MYH6: variants seen among roughly 807,000 people sequenced by gnomAD.
MYH6 encodes the protein myosin-6.
In MYH6, 126 loss-of-function variants were observed where a neutral mutation model predicts 223.2. The observed-to-expected ratio is 0.56, with a 90% CI of 0.49 to 0.65. The LOEUF (loss-of-function observed/expected upper bound fraction) is 0.65. MYH6 is among the 30% of genes least tolerant of loss of function. The probability of loss-of-function intolerance (pLI) is 0.00; values close to 1 mark genes in which losing one functional copy is unlikely to be tolerated. For missense variants in MYH6, 2,040 were observed against 2,536.4 expected (o/e 0.80, Z 4.20); for synonymous variants, 978 against 1,010.2 (o/e 0.97, Z 0.61).
Position 23,388,417 on chromosome 14 carries a change from C to A in MYH6, c.4176-79G>T, listed in dbSNP as rs527764303. 420 of 1,563,040 alleles carry A rather than the reference C, an allele frequency of 2.7e-4. No individual in the cohort carries two copies. The African/African-American group carries it at 4.1e-3, about 15-fold the overall frequency. On this transcript the variant is annotated intron_variant, in intron 29 of 38. Coordinates refer to ENST00000405093, the MANE Select transcript of MYH6 (RefSeq NM_002471.4). The stretch of plus-strand genomic sequence containing the variant: ...GCCTTGGGTGGACCTCCTTCCACCC[C>A]CTCCCTATATCTCCTTGAGACACCG...
intron 34 of MYH6, 50 bp from the exon 35 acceptor site, chr14:23,385,091 C>T (rs761134745): frequency 1.2e-6 from 2 of 1,611,444 alleles, no homozygotes; most frequent in Admixed American, 1.7e-5. Flanking sequence ...ACTTTGTTAC[C>T]TGATTTCATA....
chr14:23,406,160 G>C (rs1891780232), intron 3 of MYH6, among the ~76,000 whole-genome samples: 1 of 152,040 alleles, frequency 6.6e-6, no homozygotes, highest in African/African-American at 2.4e-5. Context: ...AGCGCTTTAG[G>C]GTATCTGTTG....
rs2138585541 is a variant in MYH6 at position 23,386,621 on chromosome 14, G to A, written c.4653C>T (p.Ala1551=). Residue 1551 remains alanine, a splice_region_variant and synonymous_variant, in exon 33 of 39, where the codon GCC becomes GCT. Coordinates refer to ENST00000405093, the MANE Select transcript of MYH6 (RefSeq NM_002471.4). Reference sequence around the variant, plus strand: ...TCTTGCCCTCCTCGTGCTCCAGGGAGGCCTGGGAAGGGGTGGGGCGAGGGC... The same window carrying A: ...TCTTGCCCTCCTCGTGCTCCAGGGAAGCCTGGGAAGGGGTGGGGCGAGGGC... ...ELQSALEEAE[A]SLEHEEGKIL... 2 of 1,609,152 alleles carry A rather than the reference G, an allele frequency of 1.2e-6. No homozygotes were observed. The highest frequency in any genetic ancestry group is 1.1e-5 in the South Asian group (1 of 90,492).
Position 23,400,758 on chromosome 14 carries a change from C to T in MYH6, c.1361G>A (p.Arg454His). 3.1e-6 allele frequency: 5 copies of T among 1,614,254 alleles called. No individual in the cohort carries two copies. Among genetic ancestry groups the T allele is most frequent in the Admixed American group, 3.3e-5 (2 of 60,030 alleles). The change falls in exon 13 of 39, where the codon CGC (arginine) becomes CAC (histidine). Residue 454 changes from arginine (R) to histidine (H), a missense_variant. By Grantham distance (29) the Arg-to-His change is conservative (BLOSUM62 0). Transcript: ENST00000405093. ...GTCCAGGACTCCTATGAAGTACTGG[C>T]GTGGCTGCTTGGTCTCCAGGGTGGC... is the stretch of plus-strand genomic sequence containing the variant. ...INATLETKQP[R>H]QYFIGVLDIA...
In MYH6 at chr14:23,401,085, C is replaced by T. The variant is rs1891586759; in HGVS notation, c.1142-108G>A. The T allele has an allele frequency of 2.4e-5, 36 of 1,507,292 alleles. 1 individual carries two copies. The highest frequency in any genetic ancestry group is 1.6e-4 in the South Asian group (13 of 82,718). 93.4% of individuals were successfully genotyped at this position (1,507,292 alleles called of 1,614,324 possible). Reference sequence around the variant, plus strand: ...GCAGTGGCACGATCTTGGCTCACTACAGCCTCCACCTCCTGGGTTCAAGTG... The same window carrying T: ...GCAGTGGCACGATCTTGGCTCACTATAGCCTCCACCTCCTGGGTTCAAGTG... On this transcript the variant is annotated intron_variant, in intron 12 of 38. Transcript: ENST00000405093.
At chr14:23,404,967 C>T in intron 6 of MYH6, 133 bp downstream of exon 6, 24 of 1,506,452 alleles carry the variant, frequency 1.6e-5, no homozygotes, top group Non-Finnish European at 2.1e-5. Context: ...GCTCTGGCAC[C>T]CCTCTAATGA....
rs73604575 is a variant in MYH6 at position 23,388,771 on chromosome 14, G to A, written c.4175+88C>T. ...AGTTCCTCCTGTCTCTTCCACTTCC[G>A]TCTCATGACCACTTTGCCTGTCCCC... On this transcript the variant is annotated intron_variant, in intron 29 of 38. Coordinates refer to ENST00000405093, the MANE Select transcript of MYH6 (RefSeq NM_002471.4). 2.8e-3 allele frequency: 4,452 copies of A among 1,583,834 alleles called. 129 individuals are homozygous for A. The African/African-American group carries it at 0.054, about 19-fold the overall frequency.
At chr14:23,406,458 C>T (rs1167266393) in intron 3 of MYH6, among the ~76,000 whole-genome samples, 2 of 152,178 alleles carry the variant, frequency 1.3e-5, no homozygotes, top group African/African-American at 2.4e-5. Flanking sequence ...TGGGTTGTAA[C>T]ATTCAGTCAA....
chr14:23,394,390 T>G, intron 20 of MYH6, 67 bp from the exon 21 acceptor site: 3 of 1,600,828 alleles, frequency 1.9e-6, no homozygotes, highest in Non-Finnish European at 2.6e-6. Context: ...TGGGCCCTAC[T>G]AAGCAAGTTC....
Position 23,385,022 on chromosome 14 carries a change from T to C in MYH6, c.5183A>G (p.Gln1728Arg), listed in dbSNP as rs772321054. 6.2e-7 allele frequency: 1 copy of C among 1,614,220 alleles called. No homozygotes were observed. Among genetic ancestry groups the C allele is most frequent in the Non-Finnish European group, 8.5e-7 (1 of 1,180,042 alleles). ...LHSQNTSLIN[Q>R]KKKMESDLTQ... ...CAGATCCGACTCCATCTTCTTCTTC[T>C]GGTTGATGAGGCTGGTGTTCTAGAC... The change falls in exon 35 of 39, where the codon CAG becomes CGG. Residue 1728 changes from glutamine to arginine, a missense_variant. Physicochemically the swap from Gln to Arg is conservative, Grantham distance 43. Coordinates refer to ENST00000405093, the MANE Select transcript of MYH6 (RefSeq NM_002471.4).
rs77135504 is a variant in MYH6, at chr14:23,405,817, G to T, written c.202-47C>A. The T allele has an allele frequency of 1.2e-6, 2 of 1,613,380 alleles. No individual in the cohort carries two copies. The highest frequency in any genetic ancestry group is 1.7e-6 in the Non-Finnish European group (2 of 1,179,520). ...GAGGATGAGTGACCACAATCCCTCC[G>T]GGACCCTTGCCAGCACTGCCCACTG... On this transcript the variant is annotated intron_variant, in intron 3 of 38. Transcript: ENST00000405093. This position sits in a 1 kb window ranked among gnomAD's most constrained non-coding sequence, Gnocchi z 4.7.
At chr14:23,408,163 AC>A (rs1263857046) in intron 1 of MYH6, 89 bp downstream of exon 1, 3 of 906,862 alleles carry the variant, frequency 3.3e-6, no homozygotes, top group Non-Finnish European at 4.0e-6. Flanking sequence ...CCTCCAACTG[AC>A]CTGCACCCCA....
rs370917581 is a variant in MYH6, at chr14:23,402,468, G to C, written c.1137C>G (p.Thr379=). Reference sequence around the variant, plus strand: ...CTGCCTGCCTGCCCCTCCCACCTTCGGTGCCGTCTGGCTCCGCCTGCTCCT... The same window carrying C: ...CTGCCTGCCTGCCCCTCCCACCTTCCGTGCCGTCTGGCTCCGCCTGCTCCT... ...QREEQAEPDG[T]EDADKSAYLM... The change falls in exon 12 of 39, where the codon ACC becomes ACG. Residue 379 remains threonine, a synonymous_variant. Transcript: ENST00000405093. The C allele has an allele frequency of 6.2e-6, 10 of 1,612,896 alleles. No individual in the cohort carries two copies. Among genetic ancestry groups the C allele is most frequent in the Non-Finnish European group, 8.5e-6 (10 of 1,179,936 alleles).
At position 23,393,767 on chromosome 14, in the gene MYH6, G is replaced by T. The variant is rs368912844; in HGVS notation, c.2827C>A (p.Arg943Ser). The T allele has an allele frequency of 8.1e-6, 13 of 1,614,044 alleles. No individual in the cohort carries two copies. The highest frequency in any genetic ancestry group is 1.1e-5 in the Non-Finnish European group (13 of 1,180,038). Residue 943 changes from arginine (R) to serine (S), a missense_variant, in exon 22 of 39, where the codon CGC becomes AGC. Transcript: ENST00000405093. ...EMNAELTAKK[R>S]KLEDECSELK... The stretch of plus-strand genomic sequence containing the variant: ...TCTGAGCACTCGTCTTCCAGCTTGC[G>T]CTTCTTGGCAGTGAGCTCCGCGTTC...
In MYH6 at chr14:23,405,063, G is replaced by C. The variant is rs1891739152; in HGVS notation, c.530+37C>G. ...CTAGGCATCAGCGTGTATGCCCCCA[G>C]CCCAGTCCCTTCTGTGGGAGGATGG... On this transcript the variant is annotated intron_variant, in intron 6 of 38. Transcript: ENST00000405093. The surrounding 1 kb of genome is among the most constrained non-coding windows in gnomAD (Gnocchi z 4.7). 3 of 1,613,974 alleles carry C rather than the reference G, an allele frequency of 1.9e-6. No homozygotes were observed. Among genetic ancestry groups the C allele is most frequent in the Non-Finnish European group, 2.5e-6 (3 of 1,179,960 alleles).
chr14:23,400,312 A>G lies in MYH6; in HGVS notation c.1525T>C (p.Trp509Arg). ...TCCATGCCAAAGTCAATGAATGTCC[A>G]CTCAATGCCCTCCTTCTTGTACTCC... ...QEEYKKEGIE[W>R]TFIDFGMDLQ... The change falls in exon 14 of 39, where the codon TGG (tryptophan) becomes CGG (arginine). Residue 509 changes from tryptophan to arginine, a missense_variant. Coordinates refer to ENST00000405093, the MANE Select transcript of MYH6 (RefSeq NM_002471.4). 6.2e-7 allele frequency: 1 copy of G among 1,614,118 alleles called. No homozygotes were observed. The highest frequency in any genetic ancestry group is 8.5e-7 in the Non-Finnish European group (1 of 1,180,004).
chr14:23,397,401 T>C, intron 16 of MYH6, 142 bp downstream of exon 16: 1 of 1,270,124 alleles, frequency 7.9e-7, no homozygotes, highest in Non-Finnish European at 1.1e-6. Context: ...CAGGCTTTTG[T>C]GGAATCTACA....
rs558533091 is a variant in MYH6, at chr14:23,387,607, A to C, written c.4572T>G (p.Asn1524Lys). ...TGCGGACCTTCTCCAGCTCATGCAC[A>C]TTCTTTCCTCCTTCTCCTAGCTGCT... ...LTEQLGEGGK[N>K]VHELEKVRKQ... The change falls in exon 32 of 39, where the codon AAT becomes AAG. Residue 1524 changes from asparagine to lysine, a missense_variant. Coordinates refer to ENST00000405093, the MANE Select transcript of MYH6 (RefSeq NM_002471.4). The C allele has an allele frequency of 1.8e-5, 29 of 1,613,784 alleles. No homozygotes were observed. Among genetic ancestry groups the C allele is most frequent in the Non-Finnish European group, 2.4e-5 (28 of 1,179,962 alleles).
intron 26 of MYH6, 140 bp downstream of exon 26, chr14:23,389,917 G>A: frequency 6.4e-6 from 10 of 1,551,902 alleles, no homozygotes; most frequent in Non-Finnish European, 8.8e-6. Context: ...AGCCAGAGAG[G>A]GGCAGGGGAG....
Sources: gnomAD v4.1 joint callset for allele counts (sites outside exome capture counted in the v4.1 genomes callset) on GRCh38, gnomAD v4.1.1 for gene constraint, Gnocchi (gnomAD v3.1) non-coding constraint, MANE v1.5 for transcripts, NCBI Gene and HGNC (gene_info 2026-07-23, HGNC 2026-07-21) for gene names.